The following CSMD1 variants were observed in gnomAD, a reference collection of about 807,000 sequenced individuals.
CSMD1 encodes CUB and Sushi multiple domains 1.
In CSMD1, 213 loss-of-function variants were observed where a neutral mutation model predicts 417.5. The observed-to-expected ratio is 0.51, with a 90% CI of 0.46 to 0.57. The LOEUF (loss-of-function observed/expected upper bound fraction) is 0.57, where lower values mean the gene tolerates loss of function less well. Ranked by LOEUF, CSMD1 falls within the 20% of genes least tolerant of loss-of-function variation. The pLI is 0.00. For synonymous variants in CSMD1, 2,862 were observed against 1,736.8 expected, an observed-to-expected ratio of 1.65 and a Z score of -16.11; for missense variants, 6,923 against 4,529.7, an observed-to-expected ratio of 1.53 and a Z score of -15.17.
chr8:3,125,454 G>C (rs1306052759), intron 41 of CSMD1, among the ~76,000 whole-genome samples: 1 of 152,126 alleles, frequency 6.6e-6, no homozygotes, highest in East Asian at 1.9e-4. Flanking sequence ...TTTAATTTAA[G>C]AAAGAAAGTC....
rs1295793169 is a variant in CSMD1 at position 4,994,354 on chromosome 8, C to A, written c.63G>T (p.Ala21=). The A allele has an allele frequency of 2.7e-5, 44 of 1,611,362 alleles. No individual in the cohort carries two copies. Among genetic ancestry groups the A allele is most frequent in the Non-Finnish European group, 3.5e-5 (41 of 1,179,838 alleles). ...LLLLGLLVLC[A]RLLTAAKGQN... The stretch of plus-strand genomic sequence containing the variant: ...TACCCTTCGCTGCAGTGAGGAGCCT[C>A]GCGCACAGCACCAGCAGCCCGAGAA... Residue 21 remains alanine (A), a synonymous_variant, in exon 1 of 70, where the codon GCG becomes GCT. Transcript: ENST00000635120.
intron 10 of CSMD1, among the ~76,000 whole-genome samples, chr8:3,554,613 G>T (rs1482192): frequency 2.6e-5 from 4 of 152,082 alleles, no homozygotes; most frequent in Admixed American, 1.3e-4. Flanking sequence ...AGGCCAAAGA[G>T]GATCTGAGCA....
intron 3 of CSMD1, among the ~76,000 whole-genome samples, chr8:4,144,001 G>A (rs942307616): frequency 4.6e-5 from 7 of 151,298 alleles, no homozygotes; most frequent in African/African-American, 9.9e-5. Flanking sequence ...TCTGAGACAC[G>A]GTGGAAGGAG....
chr8:4,276,842 T>A (rs1444403154), intron 3 of CSMD1, among the ~76,000 whole-genome samples: 2 of 152,170 alleles, frequency 1.3e-5, no homozygotes, highest in Non-Finnish European at 2.9e-5. Flanking sequence ...ATACAATAAA[T>A]GTTCAATTTC....
rs375353129 is a variant in CSMD1, at chr8:2,963,271, G to A, written c.9405C>T (p.Leu3135=). 3.7e-6 allele frequency: 6 copies of A among 1,613,978 alleles called. No individual in the cohort carries two copies. Among genetic ancestry groups the A allele is most frequent in the Non-Finnish European group, 5.1e-6 (6 of 1,179,884 alleles). Residue 3135 remains leucine (L), a synonymous_variant, in exon 60 of 70, where the codon CTC becomes CTT. Coordinates refer to ENST00000635120, the MANE Select transcript of CSMD1 (RefSeq NM_033225.6). ...TCCACACCCCGCGACCTTCACAGGA[G>A]AGGATGGCGGAGTGAGAGAGCTGGT... is the stretch of plus-strand genomic sequence containing the variant. ...DGYQLSHSAI[L]SCEGRGVWKG...
At chr8:4,073,880 C>G (rs1265434595) in intron 3 of CSMD1, among the ~76,000 whole-genome samples, 1 of 152,088 alleles carries the variant, frequency 6.6e-6, no homozygotes, top group East Asian at 1.9e-4. Context: ...TAGTCAATAA[C>G]TAGTCTACAG....
chr8:2,951,070 A>G lies in CSMD1; in HGVS notation c.10201+44T>C, dbSNP rs755922841. ...CTCTCTGTGAAAAGATAACAGGTCT[A>G]TTTCTGCTCACACCATGCGTTTAGT... On this transcript the variant is annotated intron_variant, in intron 66 of 69. Coordinates refer to ENST00000635120, the MANE Select transcript of CSMD1 (RefSeq NM_033225.6). 5.7e-6 allele frequency: 9 copies of G among 1,582,450 alleles called. No homozygotes were observed. In the East Asian group the frequency reaches 1.1e-4, roughly 20 times the overall value.
chr8:4,334,406 G>A (rs912280881), intron 3 of CSMD1, among the ~76,000 whole-genome samples: 2 of 152,120 alleles, frequency 1.3e-5, no homozygotes, highest in Admixed American at 1.3e-4. Context: ...GGAACTTTAA[G>A]AGCAAATACT....
chr8:3,341,892 T>C lies in CSMD1; in HGVS notation c.3631+1402A>G, dbSNP rs114052831. Among the ~76,000 whole-genome samples, 499 of 152,142 alleles carry C rather than the reference T, an allele frequency of 3.3e-3. 3 individuals are homozygous for C. Among genetic ancestry groups the C allele is most frequent in the African/African-American group, 0.011 (473 of 41,500 alleles). ...CATCCAAGTAAGAAAACAAAATACA[T>C]TGAACATCTCGACAGGGACGAGAAG... On this transcript the variant is annotated intron_variant, in intron 23 of 69. Coordinates refer to ENST00000635120, the MANE Select transcript of CSMD1 (RefSeq NM_033225.6).
intron 5 of CSMD1, among the ~76,000 whole-genome samples, chr8:3,891,330 G>A (rs577707393): frequency 1.8e-4 from 28 of 152,148 alleles, no homozygotes; most frequent in East Asian, 3.9e-4. Flanking sequence ...GATTACAGGC[G>A]TGAGCCACCG....
At chr8:3,557,238 G>A (rs561046299) in intron 10 of CSMD1, among the ~76,000 whole-genome samples, 1 of 152,284 alleles carries the variant, frequency 6.6e-6, no homozygotes, top group South Asian at 2.1e-4. Context: ...CCATTTTTAG[G>A]ACCCAAATAA....
intron 5 of CSMD1, among the ~76,000 whole-genome samples, chr8:3,804,015 C>T (rs970317411): frequency 1.3e-5 from 2 of 152,112 alleles, no homozygotes; most frequent in African/African-American, 2.4e-5. Flanking sequence ...GCAACCTCCA[C>T]CTCCTGAGTT....
At chr8:4,278,560 A>C (rs1163846332) in intron 3 of CSMD1, among the ~76,000 whole-genome samples, 1 of 152,242 alleles carries the variant, frequency 6.6e-6, no homozygotes, top group Non-Finnish European at 1.5e-5. Context: ...CATATAACAA[A>C]ACGTTAGATA....
intron 1 of CSMD1, among the ~76,000 whole-genome samples, chr8:4,962,693 A>C (rs1476785522): frequency 6.6e-6 from 1 of 152,148 alleles, no homozygotes; most frequent in African/African-American, 2.4e-5. Context: ...TGTGGGTGGA[A>C]GGGATGTGCA....
chr8:3,520,039 T>TATATATATATATATACACACACAC (rs545212684), intron 10 of CSMD1, among the ~76,000 whole-genome samples: 91 of 147,178 alleles, frequency 6.2e-4, no homozygotes, highest in African/African-American at 2.3e-3. Flanking sequence ...TATATATATA[T>TATATATATATATATACACACACAC]ACACGTATAG....
intron 2 of CSMD1, among the ~76,000 whole-genome samples, chr8:4,523,424 A>T (rs1381802302): frequency 1.3e-5 from 2 of 152,066 alleles, no homozygotes; most frequent in Admixed American, 6.6e-5. Flanking sequence ...TATTAAGTAC[A>T]CTGGTTCAGA....
At chr8:3,710,260 A>T (rs1049996101) in intron 6 of CSMD1, among the ~76,000 whole-genome samples, 2 of 152,126 alleles carry the variant, frequency 1.3e-5, no homozygotes, top group East Asian at 3.9e-4. Flanking sequence ...TGCAGTTTAA[A>T]CCTATGCTGC....
At chr8:3,437,481 G>A (rs1393449239) in intron 12 of CSMD1, among the ~76,000 whole-genome samples, 5 of 152,036 alleles carry the variant, frequency 3.3e-5, no homozygotes, top group African/African-American at 1.2e-4. Flanking sequence ...TGGGACAGCG[G>A]GAAATAAGAT....
rs907837547 is a variant in CSMD1 at position 3,558,218 on chromosome 8, T to A, written c.1344+16727A>T. The stretch of plus-strand genomic sequence containing the variant: ...AATAGTGCCTCAGTAGTACCCCGTA[T>A]CCCCTCCTCCAATGACAAATAGTGC... On this transcript the variant is annotated intron_variant, in intron 10 of 69. Coordinates refer to ENST00000635120, the MANE Select transcript of CSMD1 (RefSeq NM_033225.6). Among the ~76,000 whole-genome samples, 12 of 147,190 alleles carry A rather than the reference T, an allele frequency of 8.2e-5. 1 individual carries two copies. The highest frequency in any genetic ancestry group is 3.1e-4 in the African/African-American group (12 of 39,170).
Sources: gnomAD v4.1 joint callset for allele counts (sites outside exome capture counted in the v4.1 genomes callset) on GRCh38, gnomAD v4.1.1 for gene constraint, MANE v1.5 for transcripts, NCBI Gene and HGNC (gene_info 2026-07-23, HGNC 2026-07-21) for gene names.